Variants in SALL3 observed in about 807,000 individuals in gnomAD.
The protein encoded by SALL3 is sal-like protein 3.
In SALL3, 25 loss-of-function variants were observed where a neutral mutation model predicts 66.2. That is an observed-to-expected ratio of 0.38 (90% CI 0.28 to 0.53). The LOEUF (loss-of-function observed/expected upper bound fraction) is 0.53, where lower values mean the gene tolerates loss of function less well. Ranked by LOEUF, SALL3 falls within the 20% of genes least tolerant of loss-of-function variation. SALL3 has a pLI of 0.85. For missense variants in SALL3, 2,194 were observed against 1,916.5 expected (o/e 1.14, Z -2.70); for synonymous variants, 1,152 against 899.1 (o/e 1.28, Z -5.03).
rs1914637576 is a variant in SALL3, at chr18:78,995,037, A to G, written c.3046A>G (p.Thr1016Ala). The change falls in exon 2 of 3, where the codon ACT (threonine) becomes GCT (alanine). Residue 1016 changes from threonine (T) to alanine (A), a missense_variant. Thr to Ala is a moderately conservative substitution (Grantham distance 58). Transcript: ENST00000537592. The stretch of plus-strand genomic sequence containing the variant: ...CGCGCTCTGCAGGCGAGGGTGCTCC[A>G]CTATGGGTAATTTAAAACAGCACTT... ...VCALCRRGCS[T>A]MGNLKQHLLT... 1.2e-6 allele frequency: 2 copies of G among 1,613,748 alleles called. No homozygotes were observed. Among genetic ancestry groups the G allele is most frequent in the Non-Finnish European group, 1.7e-6 (2 of 1,180,042 alleles).
intron 1 of SALL3, among the ~76,000 whole-genome samples, chr18:78,990,448 G>A (rs895245437): frequency 7.9e-5 from 12 of 152,164 alleles, no homozygotes; most frequent in African/African-American, 2.9e-4. Flanking sequence ...ATGGCCTCAT[G>A]GTGAGTCACA....
At chr18:78,995,646 C>T (rs1331788326) in intron 2 of SALL3, among the ~76,000 whole-genome samples, 184 bp downstream of exon 2, 1 of 151,724 alleles carries the variant, frequency 6.6e-6, no homozygotes, top group African/African-American at 2.4e-5. Flanking sequence ...ATGTGTGTGT[C>T]GGGTGTGCGT....
At position 78,992,756 on chromosome 18, in the gene SALL3, C is replaced by A; in HGVS notation, c.765C>A (p.Pro255=). 1 of 1,125,676 alleles carries A rather than the reference C, an allele frequency of 8.9e-7. No individual in the cohort carries two copies. The highest frequency in any genetic ancestry group is 3.3e-5 in the South Asian group (1 of 30,116). 69.7% of individuals were successfully genotyped at this position (1,125,676 alleles called of 1,614,324 possible). ...AAAPSAPGPA[P]SQLPGLAALP... ...CCCCGAGCGCACCGGGCCCGGCCCC[C>A]AGCCAGCTGCCCGGGCTGGCCGCGC... The change falls in exon 2 of 3, where the codon CCC becomes CCA. Residue 255 remains proline, a synonymous_variant. Coordinates refer to ENST00000537592, the MANE Select transcript of SALL3 (RefSeq NM_171999.4).
At position 78,992,790 on chromosome 18, in the gene SALL3, TC is replaced by T; in HGVS notation, c.800del (p.Ser267TrpfsTer128). The stretch of plus-strand genomic sequence containing the variant: ...GCCCGGGCTGGCCGCGCTCCCGCTG[TC>T]GGCCGGGGCCCCTGCCGCCGCCATC... ...QLPGLAALPL[S>X]AGAPAAAIAG... On this transcript the variant is annotated frameshift_variant, in exon 2 of 3. Coordinates refer to ENST00000537592, the MANE Select transcript of SALL3 (RefSeq NM_171999.4). LOFTEE classifies it high-confidence loss of function. The T allele has an allele frequency of 1.0e-6, 1 of 987,334 alleles. No individual in the cohort carries two copies. The highest frequency in any genetic ancestry group is 1.2e-6 in the Non-Finnish European group (1 of 833,126). The allele number at this position is 987,334 out of a possible 1,614,324, so 61.2% of individuals were successfully genotyped here. A position where few individuals can be genotyped will look rare whatever the true frequency, so the allele number is the denominator to read the frequency against.
Position 78,994,757 on chromosome 18 carries a change from G to C in SALL3, c.2766G>C (p.Leu922=), listed in dbSNP as rs61747126. 0.045 allele frequency: 72,044 copies of C among 1,601,224 alleles called. 1,876 individuals are homozygous for C. The highest frequency in any genetic ancestry group is 0.05 in the Non-Finnish European group (59,042 of 1,178,214). ...GESFRSKSPG[L]GAPEEPQEIP... ...GCTTCCGCTCCAAGTCCCCGGGCCT[G>C]GGCGCCCCGGAGGAGCCCCAGGAAA... Residue 922 remains leucine (L), a synonymous_variant, in exon 2 of 3, where the codon CTG becomes CTC. Coordinates refer to ENST00000537592, the MANE Select transcript of SALL3 (RefSeq NM_171999.4).
At chr18:78,981,539 A>G (rs971380986) in intron 1 of SALL3, among the ~76,000 whole-genome samples, 1 of 152,232 alleles carries the variant, frequency 6.6e-6, no homozygotes, top group Admixed American at 6.5e-5. Flanking sequence ...AAGCGGGTAG[A>G]CACCCATGTC....
rs1289441464 is a variant in SALL3 at position 78,993,296 on chromosome 18, C to G, written c.1305C>G (p.Leu435=). The G allele has an allele frequency of 2.5e-6, 4 of 1,611,682 alleles. No individual in the cohort carries two copies. Among genetic ancestry groups the G allele is most frequent in the Non-Finnish European group, 2.5e-6 (3 of 1,179,814 alleles). ...CAKVFGSDSA[L]QIHLRSHTGE... Reference sequence around the variant, plus strand: ...AGGTCTTCGGCAGCGACAGCGCGCTCCAGATCCACCTGCGCTCGCACACAG... The same window carrying G: ...AGGTCTTCGGCAGCGACAGCGCGCTGCAGATCCACCTGCGCTCGCACACAG... The change falls in exon 2 of 3, where the codon CTC becomes CTG. Residue 435 remains leucine (L), a synonymous_variant. Transcript: ENST00000537592.
chr18:78,993,753 C>T lies in SALL3; in HGVS notation c.1762C>T (p.Leu588Phe), dbSNP rs201791315. 1,090 of 1,543,584 alleles carry T rather than the reference C, an allele frequency of 7.1e-4. 7 individuals are homozygous for T. The African/African-American group carries it at 0.013, about 19-fold the overall frequency. The change falls in exon 2 of 3, where the codon CTC becomes TTC. Residue 588 changes from leucine to phenylalanine, a missense_variant. Coordinates refer to ENST00000537592, the MANE Select transcript of SALL3 (RefSeq NM_171999.4). ...CACCGCCGAGTCCCCACAGTCGCTC[C>T]TCGGCGGGCCGCCCCTCACTAAAGC... Reference protein sequence around the residue: ...SATAESPQSLLGGPPLTKAEP... With the variant: ...SATAESPQSLFGGPPLTKAEP...
At chr18:78,983,577 G>T (rs906837432) in intron 1 of SALL3, among the ~76,000 whole-genome samples, 1 of 151,942 alleles carries the variant, frequency 6.6e-6, no homozygotes, top group Non-Finnish European at 1.5e-5. Context: ...TAAATGTGTT[G>T]AGCATGTGAT....
At position 78,996,935 on chromosome 18, in the gene SALL3, C is replaced by T. The variant is rs762674835; in HGVS notation, c.3516C>T (p.Arg1172=). The T allele has an allele frequency of 1.7e-4, 279 of 1,612,840 alleles. No homozygotes were observed. The highest frequency in any genetic ancestry group is 2.2e-4 in the Non-Finnish European group (258 of 1,179,586). Residue 1172 remains arginine, a synonymous_variant, in exon 3 of 3, where the codon CGC becomes CGT. Transcript: ENST00000537592. ...TGTGGAATAACGCCCCCGCGAGACG[C>T]GGCCGCCGCCTGTCTGTGGAGAACC... ...THMWNNAPAR[R]GRRLSVENPM...
chr18:78,994,919 C>A lies in SALL3; in HGVS notation c.2928C>A (p.Ser976Arg). The A allele has an allele frequency of 6.2e-7, 1 of 1,613,484 alleles. No homozygotes were observed. Among genetic ancestry groups the A allele is most frequent in the Non-Finnish European group, 8.5e-7 (1 of 1,179,966 alleles). The change falls in exon 2 of 3, where the codon AGC becomes AGA. Residue 976 changes from serine to arginine, a missense_variant. Coordinates refer to ENST00000537592, the MANE Select transcript of SALL3 (RefSeq NM_171999.4). ...FLSRERGKCPSTVCGVCGKPF... is the reference protein window; with the variant it reads ...FLSRERGKCPRTVCGVCGKPF... Reference sequence around the variant, plus strand: ...GCAGGGAGCGGGGTAAGTGTCCCAGCACTGTGTGTGGTGTCTGTGGCAAGC... The same window carrying A: ...GCAGGGAGCGGGGTAAGTGTCCCAGAACTGTGTGTGGTGTCTGTGGCAAGC...
intron 1 of SALL3, among the ~76,000 whole-genome samples, chr18:78,984,627 A>T (rs1914178841): frequency 7.2e-6 from 1 of 138,708 alleles, no homozygotes; most frequent in African/African-American, 2.7e-5. Flanking sequence ...CTTTTATTTA[A>T]AAAAAAAAAC....
Position 78,994,496 on chromosome 18 carries a change from G to A in SALL3, c.2505G>A (p.Ser835=), listed in dbSNP as rs752107564. The A allele has an allele frequency of 3.4e-6, 3 of 871,424 alleles. No individual in the cohort carries two copies. Among genetic ancestry groups the A allele is most frequent in the South Asian group, 1.3e-5 (1 of 75,402 alleles). 54.0% of individuals were successfully genotyped at this position (871,424 alleles called of 1,614,324 possible). The change falls in exon 2 of 3, where the codon TCG becomes TCA. Residue 835 remains serine (S), a synonymous_variant. Transcript: ENST00000537592. ...GGTCCTGCCCGCCCTCCCCGCCCTC[G>A]GTCATCTCCAGCATTGCCGCCCTGG... ...YAGSCPPSPP[S]VISSIAALEN... is the part of the protein sequence containing the mutation.
At position 78,995,603 on chromosome 18, in the gene SALL3, T is replaced by TGTGC. The variant is rs977055593; in HGVS notation, c.3471+145_3471+148dup. 1.2e-5 allele frequency: 16 copies of TGTGC among 1,328,698 alleles called. No individual in the cohort carries two copies. The African/African-American group carries it at 1.6e-4, about 14-fold the overall frequency. 82.3% of individuals were successfully genotyped at this position (1,328,698 alleles called of 1,614,324 possible). On this transcript the variant is annotated intron_variant, in intron 2 of 2. Coordinates refer to ENST00000537592, the MANE Select transcript of SALL3 (RefSeq NM_171999.4). ...GTGAGATGCCACGCCTGTGGGTGTG[T>TGTGC]GTGCGTGATGTGTGCGTGTTATAGG...
Position 78,997,213 on chromosome 18 carries a change from CT to C in SALL3, c.3795del (p.Gly1266AlafsTer38). The part of the protein sequence containing the change: ...SMASGMDKAR[T>X]GSSPPIVSLD... ...GCCAGTGGGATGGACAAAGCACGCACTGGCAGTAGCCCACCCATCGTCAGCT... is the reference window on the plus strand; with the variant it reads ...GCCAGTGGGATGGACAAAGCACGCACGGCAGTAGCCCACCCATCGTCAGCT... On this transcript the variant is annotated frameshift_variant, in exon 3 of 3. Transcript: ENST00000537592. LOFTEE classifies it high-confidence loss of function. 1 of 1,614,046 alleles carries C rather than the reference CT, an allele frequency of 6.2e-7. No homozygotes were observed. The highest frequency in any genetic ancestry group is 8.5e-7 in the Non-Finnish European group (1 of 1,180,030).
In SALL3 at chr18:78,993,227, C is replaced by T. The variant is rs201160407; in HGVS notation, c.1236C>T (p.Ser412=). 47 of 1,611,068 alleles carry T rather than the reference C, an allele frequency of 2.9e-5. No individual in the cohort carries two copies. In the Admixed American group the frequency reaches 4.7e-4, roughly 16 times the overall value. The change falls in exon 2 of 3, where the codon AGC becomes AGT. Residue 412 remains serine (S), a synonymous_variant. Coordinates refer to ENST00000537592, the MANE Select transcript of SALL3 (RefSeq NM_171999.4). ...TGTCGGTGTTCGAGCCCAAAGCCAG[C>T]GCCGAGGACCCGTTCTTCAAGCACA... ...PNVSVFEPKA[S]AEDPFFKHKC... is the part of the protein sequence containing the mutation.
chr18:78,993,082 C>T lies in SALL3; in HGVS notation c.1091C>T (p.Pro364Leu), dbSNP rs1914525726. The T allele has an allele frequency of 3.1e-6, 5 of 1,598,412 alleles. No homozygotes were observed. The highest frequency in any genetic ancestry group is 4.2e-6 in the Non-Finnish European group (5 of 1,176,764). Residue 364 changes from proline to leucine, a missense_variant, in exon 2 of 3, where the codon CCT becomes CTT. Transcript: ENST00000537592. The stretch of plus-strand genomic sequence containing the variant: ...CCCGGCCTGCCAAGTCCGCTTCTAC[C>T]TCAGACTTCCGCCAGCGGCGTCATC... ...AAPGLPSPLL[P>L]QTSASGVIFP...
In SALL3 at chr18:78,992,147, G is replaced by A; in HGVS notation, c.156G>A (p.Val52=). 2 of 1,607,762 alleles carry A rather than the reference G, an allele frequency of 1.2e-6. No individual in the cohort carries two copies. Among genetic ancestry groups the A allele is most frequent in the Non-Finnish European group, 1.7e-6 (2 of 1,178,014 alleles). ...GCAGCGGGGGCGAGGAGACCAGCGT[G>A]TGCGAGAAATGCTGCGCCGAGTTCT... ...ESRSGGEETS[V]CEKCCAEFFK... is the part of the protein sequence containing the mutation. The change falls in exon 2 of 3, where the codon GTG becomes GTA. Residue 52 remains valine, a synonymous_variant. Coordinates refer to ENST00000537592, the MANE Select transcript of SALL3 (RefSeq NM_171999.4).
At chr18:78,987,648 CTTAAT>C (rs1364044708) in intron 1 of SALL3, among the ~76,000 whole-genome samples, 2 of 152,142 alleles carry the variant, frequency 1.3e-5, no homozygotes, top group Non-Finnish European at 2.9e-5. Context: ...GGGTGTGATA[CTTAAT>C]TTGAGATCAG....
Sources: gnomAD v4.1 joint callset for allele counts (sites outside exome capture counted in the v4.1 genomes callset) on GRCh38, gnomAD v4.1.1 for gene constraint, MANE v1.5 for transcripts, NCBI Gene and HGNC (gene_info 2026-07-23, HGNC 2026-07-21) for gene names.